The following LOXL2 variants were observed in gnomAD, a reference collection of about 807,000 sequenced individuals.
LOXL2 encodes lysyl oxidase homolog 2.
A neutral mutation model predicts 93.0 loss-of-function variants in LOXL2; 70 were observed. That is an observed-to-expected ratio of 0.75 (90% confidence interval 0.62 to 0.92). The LOEUF (loss-of-function observed/expected upper bound fraction) is 0.92, where lower values mean the gene tolerates loss of function less well. LOXL2 is among the 40% of genes least tolerant of loss of function. LOXL2 has a pLI of 0.00. For missense variants in LOXL2, 973 were observed against 1,054.9 expected (o/e 0.92, Z 1.08); for synonymous variants, 438 against 413.2 (o/e 1.06, Z -0.73).
chr8:23,323,369 G>A (rs1803527741), intron 6 of LOXL2, among the ~76,000 whole-genome samples: 1 of 152,166 alleles, frequency 6.6e-6, no homozygotes, highest in African/African-American at 2.4e-5. Context: ...TGGTCCAAAC[G>A]CCCACGCTCT....
At chr8:23,357,556 T>C (rs1014671833) in intron 3 of LOXL2, among the ~76,000 whole-genome samples, 44 of 152,208 alleles carry the variant, frequency 2.9e-4, no homozygotes, top group African/African-American at 9.7e-4. Context: ...TCAGAGTCCT[T>C]TTTCCAAAAT....
intron 12 of LOXL2, among the ~76,000 whole-genome samples, chr8:23,301,500 A>C (rs1449971689): frequency 6.6e-6 from 1 of 152,126 alleles, no homozygotes; most frequent in Non-Finnish European, 1.5e-5. Flanking sequence ...TTATAGATTC[A>C]CTTTGCATTG....
chr8:23,352,307 C>G (rs955581774), intron 3 of LOXL2, among the ~76,000 whole-genome samples: 1 of 152,186 alleles, frequency 6.6e-6, no homozygotes. Flanking sequence ...TCTCTTCCTC[C>G]TACAGAGAGA....
At chr8:23,395,121 G>GC (rs1374298465) in intron 1 of LOXL2, among the ~76,000 whole-genome samples, 4 of 152,134 alleles carry the variant, frequency 2.6e-5, no homozygotes, top group Admixed American at 2.6e-4. Context: ...GGGTATTGTG[G>GC]CGCACGCCTG....
intron 10 of LOXL2, among the ~76,000 whole-genome samples, chr8:23,309,115 G>A (rs1050325318): frequency 6.6e-6 from 1 of 151,742 alleles, no homozygotes; most frequent in African/African-American, 2.4e-5. Context: ...CTCCCAAGTA[G>A]CTGAGGCTAT....
At chr8:23,383,001 C>T (rs959951088) in intron 1 of LOXL2, among the ~76,000 whole-genome samples, 1 of 152,120 alleles carries the variant, frequency 6.6e-6, no homozygotes, top group Non-Finnish European at 1.5e-5. Flanking sequence ...GCTGCTCCAC[C>T]CACACCCAGC....
chr8:23,384,953 T>A (rs539843812), intron 1 of LOXL2, among the ~76,000 whole-genome samples: 1 of 142,776 alleles, frequency 7.0e-6, no homozygotes, highest in Non-Finnish European at 1.6e-5. Context: ...GCATTCAACA[T>A]GGACAGTGAA....
Position 23,368,233 on chromosome 8 carries a change from G to A in LOXL2, c.119C>T (p.Pro40Leu), listed in dbSNP as rs754761830. The A allele has an allele frequency of 9.9e-6, 16 of 1,613,874 alleles. No homozygotes were observed. The highest frequency in any genetic ancestry group is 2.2e-5 in the East Asian group (1 of 44,880). The change falls in exon 2 of 14, where the codon CCG becomes CTG. Residue 40 changes from proline to leucine, a missense_variant. Pro to Leu is a moderately conservative substitution (Grantham distance 98, BLOSUM62 -3). Coordinates refer to ENST00000389131, the MANE Select transcript of LOXL2 (RefSeq NM_002318.3). The stretch of plus-strand genomic sequence containing the variant: ...CTGGGGCTGGTGATACTCAGGAGCC[G>A]GTTGCTGGAAGTACTCGGGGTAATG... ...WPHYPEYFQQ[P>L]APEYHQPQAP...
chr8:23,370,812 T>C (rs1484722079), intron 1 of LOXL2: 2 of 152,250 alleles, frequency 1.3e-5, no homozygotes, highest in African/African-American at 2.4e-5. Context: ...CTCAGATGCA[T>C]TCCTGAAGAG....
chr8:23,318,418 G>A (rs1349675288), intron 8 of LOXL2, among the ~76,000 whole-genome samples: 2 of 121,754 alleles, frequency 1.6e-5, no homozygotes, highest in Non-Finnish European at 3.4e-5. Context: ...CATCCTATTG[G>A]TTGATAGCAC....
intron 3 of LOXL2, among the ~76,000 whole-genome samples, chr8:23,344,711 G>A (rs1325136824): frequency 1.3e-5 from 2 of 152,108 alleles, no homozygotes; most frequent in African/African-American, 4.8e-5. Flanking sequence ...GTCTCTGTAT[G>A]TATAAAGTGT....
intron 1 of LOXL2, among the ~76,000 whole-genome samples, chr8:23,387,365 G>A (rs1025387862): frequency 1.1e-4 from 16 of 152,112 alleles, no homozygotes; most frequent in Admixed American, 3.3e-4. Context: ...CTCGGGGATC[G>A]AGGTATTCCT....
chr8:23,338,358 C>T (rs1803828853), intron 4 of LOXL2, among the ~76,000 whole-genome samples: 1 of 151,918 alleles, frequency 6.6e-6, no homozygotes, highest in Non-Finnish European at 1.5e-5. Flanking sequence ...TCTCAGGCTT[C>T]CGAGTGGCCA....
Position 23,302,036 on chromosome 8 carries a change from G to A in LOXL2, c.2124C>T (p.Tyr708=), listed in dbSNP as rs957576291. 1 of 1,614,114 alleles carries A rather than the reference G, an allele frequency of 6.2e-7. No individual in the cohort carries two copies. The highest frequency in any genetic ancestry group is 1.1e-5 in the South Asian group (1 of 91,072). ...VDITDVPPGD[Y]LFQVVINPNF... ...TTCCCACCCACCTCACCTGGAACAG[G>A]TAGTCTCCAGGGGGCACGTCAGTGA... Residue 708 remains tyrosine, a synonymous_variant, in exon 12 of 14, where the codon TAC becomes TAT. Transcript: ENST00000389131.
intron 3 of LOXL2, among the ~76,000 whole-genome samples, chr8:23,357,839 C>G (rs935176316): frequency 6.6e-6 from 1 of 152,200 alleles, no homozygotes; most frequent in Non-Finnish European, 1.5e-5. Flanking sequence ...ATGTGCTTCT[C>G]ATTGCTGTTT....
chr8:23,351,198 T>C (rs1804088254), intron 3 of LOXL2, among the ~76,000 whole-genome samples: 1 of 152,230 alleles, frequency 6.6e-6, no homozygotes, highest in Admixed American at 6.5e-5. Flanking sequence ...AACGGACTCC[T>C]GGGGATGGGG....
intron 9 of LOXL2, among the ~76,000 whole-genome samples, chr8:23,311,478 G>A (rs1040927472): frequency 7.2e-5 from 11 of 152,208 alleles, no homozygotes; most frequent in African/African-American, 2.2e-4. Flanking sequence ...CTTATTAGTT[G>A]ACAGCCCCTC....
In LOXL2 at chr8:23,298,139, G is replaced by C; in HGVS notation, c.2246-17C>G. On this transcript the variant is annotated splice_polypyrimidine_tract_variant and intron_variant, in intron 13 of 13. Transcript: ENST00000389131. ...AGGAACCACCTGAAGAGCGAGAATC[G>C]GGTAGAGAGAGTGGACAAATGAGAT... 5.0e-6 allele frequency: 8 copies of C among 1,604,696 alleles called. No homozygotes were observed. The highest frequency in any genetic ancestry group is 6.0e-6 in the Non-Finnish European group (7 of 1,172,470).
intron 10 of LOXL2, among the ~76,000 whole-genome samples, chr8:23,305,650 A>AG (rs539569715): frequency 6.6e-6 from 1 of 151,902 alleles, no homozygotes; most frequent in Non-Finnish European, 1.5e-5. Flanking sequence ...GGCATCTAGG[A>AG]GGGGGCTGGA....
Sources: allele counts gnomAD v4.1 joint callset (sites outside exome capture counted in the v4.1 genomes callset), GRCh38; gene constraint gnomAD v4.1.1; transcripts MANE v1.5; gene names NCBI Gene and HGNC (gene_info 2026-07-23, HGNC 2026-07-21).